The following PRDM1 variants were observed in gnomAD, a reference collection of about 807,000 sequenced individuals.
PRDM1 encodes the protein PR domain zinc finger protein 1.
In PRDM1, 13 loss-of-function variants were observed where a neutral mutation model predicts 62.8. That is an observed-to-expected ratio of 0.21 (90% CI 0.13 to 0.33). The LOEUF (loss-of-function observed/expected upper bound fraction) is 0.33, where lower values mean the gene tolerates loss of function less well. PRDM1 is among the 10% of genes least tolerant of loss of function. The pLI, the probability that PRDM1 is intolerant of heterozygous loss-of-function variation, is 1.00. For missense variants in PRDM1, 895 were observed against 1,058.8 expected, an observed-to-expected ratio of 0.85 and a Z score of 2.15; for synonymous variants, 396 against 417.6, an observed-to-expected ratio of 0.95 and a Z score of 0.63.
intron 1 of PRDM1, among the ~76,000 whole-genome samples, chr6:106,014,819 T>C (rs1251476662): frequency 1.3e-5 from 2 of 152,150 alleles, no homozygotes; most frequent in Admixed American, 6.5e-5. Flanking sequence ...TTTCTTTCTT[T>C]TTTAAAATAA....
chr6:106,094,279 A>G (rs956702912), intron 2 of PRDM1, among the ~76,000 whole-genome samples: 19 of 152,246 alleles, frequency 1.2e-4, no homozygotes, highest in African/African-American at 4.6e-4. Flanking sequence ...TAAAGAATTC[A>G]GTAAAGTGAT....
At chr6:106,092,855 A>G (rs1324621866) in intron 2 of PRDM1, among the ~76,000 whole-genome samples, 1 of 152,226 alleles carries the variant, frequency 6.6e-6, no homozygotes, top group Non-Finnish European at 1.5e-5. Context: ...TAGAATGGAT[A>G]TAGGTGGTTT....
At chr6:106,033,674 T>G (rs1454604165) in intron 1 of PRDM1, among the ~76,000 whole-genome samples, 1 of 152,160 alleles carries the variant, frequency 6.6e-6, no homozygotes, top group Admixed American at 6.6e-5. Flanking sequence ...GTTTTTTGTG[T>G]CAATATTTAT....
rs981046597 is a variant in PRDM1, at chr6:106,007,247, C to T, written c.-67+13608C>T. On this transcript the variant is annotated intron_variant, in intron 1 of 6. Coordinates refer to the PRDM1 transcript ENST00000652320. ...GAGTTCGAGACTTGCCTGGCCAACACGGTGAAACTCCATCTCTACTAAAAA... is the reference window on the plus strand; with the variant it reads ...GAGTTCGAGACTTGCCTGGCCAACATGGTGAAACTCCATCTCTACTAAAAA... Among the ~76,000 whole-genome samples, 6 of 151,648 alleles carry T rather than the reference C, an allele frequency of 4.0e-5. 1 individual carries two copies. The highest frequency in any genetic ancestry group is 4.2e-4 in the South Asian group (2 of 4,774).
In PRDM1 at chr6:106,106,503, C is replaced by T. The variant is rs188653879; in HGVS notation, c.1902+4C>T. On this transcript the variant is annotated splice_donor_region_variant and intron_variant, in intron 6 of 6. Transcript: ENST00000369096. This position sits in a 1 kb window ranked among gnomAD's most constrained non-coding sequence, Gnocchi z 4.4. ...AGAAAAGCCACATGAATGCCAGGTG[C>T]GCAGTATTTTCTGGGTAGACCTTCT... 52 of 1,614,034 alleles carry T rather than the reference C, an allele frequency of 3.2e-5. No individual in the cohort carries two copies. Among genetic ancestry groups the T allele is most frequent in the South Asian group, 1.3e-4 (12 of 91,082 alleles).
chr6:106,061,953 T>C (rs1773351586), intron 1 of PRDM1, among the ~76,000 whole-genome samples: 1 of 152,190 alleles, frequency 6.6e-6, no homozygotes, highest in Admixed American at 6.5e-5. Flanking sequence ...GTTAATTCTG[T>C]TGATCCATTT....
intron 3 of PRDM1, chr6:106,098,713 C>T: frequency 8.6e-6 from 12 of 1,390,082 alleles, no homozygotes; most frequent in Non-Finnish European, 1.1e-5. Context: ...CCAGTGTTTC[C>T]ACAAAAAGGC....
chr6:106,080,125 G>A (rs1773671396), intron 1 of PRDM1, among the ~76,000 whole-genome samples: 1 of 152,182 alleles, frequency 6.6e-6, no homozygotes, highest in Admixed American at 6.5e-5. Flanking sequence ...TGAGAATGAA[G>A]GCTTTACTCT....
At chr6:106,063,168 A>T (rs1562156834) in intron 1 of PRDM1, among the ~76,000 whole-genome samples, 1 of 152,214 alleles carries the variant, frequency 6.6e-6, no homozygotes, top group South Asian at 2.1e-4. Context: ...ATCCTTCTTC[A>T]AATGGCAAGA....
intron 1 of PRDM1, among the ~76,000 whole-genome samples, chr6:106,037,207 C>T (rs62420726): frequency 0.015 from 2,298 of 152,230 alleles, 41 homozygotes; most frequent in African/African-American, 0.041. Context: ...GCTCCTAGTA[C>T]ATTGAATATA....
Position 106,086,452 on chromosome 6 carries a change from G to T in PRDM1, c.-102G>T. The T allele has an allele frequency of 2.5e-6, 3 of 1,216,332 alleles. No individual in the cohort carries two copies. Among genetic ancestry groups the T allele is most frequent in the South Asian group, 2.8e-5 (2 of 71,348 alleles). 75.3% of individuals were successfully genotyped at this position (1,216,332 alleles called of 1,614,324 possible). A position where few individuals can be genotyped will look rare whatever the true frequency, so the allele number is the denominator to read the frequency against. ...GACGCGGGCGCCCGGGCGGCCGGAC[G>T]AAGCGAGGAGGGACCGCCGAGGTGC... On this transcript the variant is annotated 5_prime_UTR_variant, in exon 1 of 7. Transcript: ENST00000369096.
chr6:106,049,880 T>C (rs1402326058), intron 1 of PRDM1, among the ~76,000 whole-genome samples: 2 of 152,254 alleles, frequency 1.3e-5, no homozygotes, highest in Admixed American at 1.3e-4. Flanking sequence ...TTTCTCTTTA[T>C]TTCTTGTCTT....
At chr6:106,075,511 T>C (rs1382991307) in intron 1 of PRDM1, among the ~76,000 whole-genome samples, 3 of 152,252 alleles carry the variant, frequency 2.0e-5, no homozygotes, top group Non-Finnish European at 2.9e-5. Context: ...TAGCCTTGTA[T>C]TAACCATAAA....
chr6:106,051,778 G>A (rs1432432967), intron 1 of PRDM1, among the ~76,000 whole-genome samples: 1 of 152,160 alleles, frequency 6.6e-6, no homozygotes, highest in African/African-American at 2.4e-5. Context: ...TTTTGAAAAG[G>A]TGAGTGGATG....
intron 1 of PRDM1, among the ~76,000 whole-genome samples, chr6:106,013,330 CT>C (rs66943648): frequency 7.5e-4 from 105 of 140,072 alleles, no homozygotes; most frequent in Admixed American, 1.0e-3. Context: ...TTGAACTTTT[CT>C]TTTTTTTTTT....
chr6:106,050,846 C>T (rs988446594), intron 1 of PRDM1, among the ~76,000 whole-genome samples: 2 of 152,086 alleles, frequency 1.3e-5, no homozygotes, highest in Admixed American at 6.6e-5. Flanking sequence ...AAACACTATT[C>T]AAAAGTTACA....
At chr6:106,015,195 TTA>T (rs1331186503) in intron 1 of PRDM1, among the ~76,000 whole-genome samples, 1 of 152,204 alleles carries the variant, frequency 6.6e-6, no homozygotes, top group Non-Finnish European at 1.5e-5. Context: ...AAGAGGAGCT[TTA>T]CACATTGTAA....
At position 106,105,792 on chromosome 6, in the gene PRDM1, C is replaced by T. The variant is rs200030386; in HGVS notation, c.1632C>T (p.Asp544=). The T allele has an allele frequency of 1.9e-5, 30 of 1,614,106 alleles. No homozygotes were observed. The highest frequency in any genetic ancestry group is 1.1e-4 in the South Asian group (10 of 91,096). The part of the protein sequence containing the change: ...TSAAMAAPSS[D]EAMNLIKNKR... ...CAGCGATGGCAGCCCCCAGCAGCGA[C>T]GAAGCCATGAATCTCATTAAAAACA... Residue 544 remains aspartate (D), a synonymous_variant, in exon 5 of 7, where the codon GAC becomes GAT. Transcript: ENST00000369096.
At chr6:106,003,189 T>G (rs975373745) in intron 1 of PRDM1, among the ~76,000 whole-genome samples, 1 of 152,156 alleles carries the variant, frequency 6.6e-6, no homozygotes, top group Admixed American at 6.5e-5. Context: ...GTCAGTATAA[T>G]GTATTGTCCA....
Sources: gnomAD v4.1 joint callset for allele counts (sites outside exome capture counted in the v4.1 genomes callset) on GRCh38, gnomAD v4.1.1 for gene constraint, Gnocchi (gnomAD v3.1) non-coding constraint, MANE v1.5 for transcripts, NCBI Gene and HGNC (gene_info 2026-07-23, HGNC 2026-07-21) for gene names.